CELSR1: variants seen among roughly 807,000 people sequenced by gnomAD.
CELSR1 encodes the protein cadherin EGF LAG seven-pass G-type receptor 1.
Under a neutral mutation model 249.1 loss-of-function variants are expected in CELSR1, and 110 were observed. The ratio of observed to expected loss-of-function variants is 0.44; its 90% CI spans 0.38 to 0.52. The LOEUF is 0.52. Ranked by LOEUF, CELSR1 falls within the 20% of genes least tolerant of loss-of-function variation. CELSR1 has a pLI of 0.00. For synonymous variants in CELSR1, 2,113 were observed against 1,900.0 expected, an observed-to-expected ratio of 1.11 and a Z score of -2.92; for missense variants, 4,109 against 4,296.4, an observed-to-expected ratio of 0.96 and a Z score of 1.22.
At chr22:46,505,196 A>G (rs1294956581) in intron 1 of CELSR1, among the ~76,000 whole-genome samples, 4 of 132,306 alleles carry the variant, frequency 3.0e-5, no homozygotes, top group Non-Finnish European at 6.2e-5. Context: ...CGGGAGGCAG[A>G]GCTTGCAATG....
chr22:46,490,890 A>G lies in CELSR1; in HGVS notation c.3545-26545T>C, dbSNP rs2080360877. Among the ~76,000 whole-genome samples the G allele has an allele frequency of 6.6e-6, 1 of 152,106 alleles. No individual in the cohort carries two copies. Among genetic ancestry groups the G allele is most frequent in the South Asian group, 2.1e-4 (1 of 4,832 alleles). On this transcript the variant is annotated intron_variant, in intron 1 of 34. Coordinates refer to ENST00000674500, the MANE Select transcript of CELSR1 (RefSeq NM_001378328.1). The surrounding 1 kb of genome is among the most constrained non-coding windows in gnomAD (Gnocchi z 5.2). ...GGCCAGGTGTCATTTTCGCTGCTCT[A>G]CAGACCAGGCCTCAGAGGATCAGGA...
chr22:46,393,737 CAAAA>C lies in CELSR1; in HGVS notation c.5964+401_5964+404del, dbSNP rs527573754. 1.3e-5 allele frequency among the ~76,000 whole-genome samples: 1 copy of C among 76,544 alleles called. No individual in the cohort carries two copies. The highest frequency in any genetic ancestry group is 2.6e-5 in the Non-Finnish European group (1 of 38,174). The allele number at this position is 76,544 out of a possible 152,430, so 50.2% of individuals were successfully genotyped here. ...TGGGCGACACAGCGAGACTCTGTCTCAAAAAAAAAAAAAAAAAGACCAGGAAAAT... is the reference window on the plus strand; with the variant it reads ...TGGGCGACACAGCGAGACTCTGTCTCAAAAAAAAAAAAAGACCAGGAAAAT... On this transcript the variant is annotated intron_variant, in intron 14 of 34. Transcript: ENST00000674500. This position sits in a 1 kb window ranked among gnomAD's most constrained non-coding sequence, Gnocchi z 4.1.
rs1321181982 is a variant in CELSR1, at chr22:46,427,211, T to A, written c.4611+6182A>T. Among the ~76,000 whole-genome samples, 1 of 152,082 alleles carries A rather than the reference T, an allele frequency of 6.6e-6. No individual in the cohort carries two copies. The highest frequency in any genetic ancestry group is 1.5e-5 in the Non-Finnish European group (1 of 68,006). ...GCAATGAGCACACCAAGCACCCAGA[T>A]CTGGATTTCTAAATGCCACCCTCCA... is the stretch of plus-strand genomic sequence containing the variant. On this transcript the variant is annotated intron_variant, in intron 5 of 34. Transcript: ENST00000674500. The surrounding 1 kb of genome is among the most constrained non-coding windows in gnomAD (Gnocchi z 4.2).
chr22:46,393,052 G>T lies in CELSR1; in HGVS notation c.5964+1090C>A, dbSNP rs987019398. ...TGCTGTTGGAACCACCGCAGGCACT[G>T]GGGGGGGACACTACTGACATCACGA... On this transcript the variant is annotated intron_variant, in intron 14 of 34. Transcript: ENST00000674500. This position sits in a 1 kb window ranked among gnomAD's most constrained non-coding sequence, Gnocchi z 4.1. Among the ~76,000 whole-genome samples, 1 of 151,736 alleles carries T rather than the reference G, an allele frequency of 6.6e-6. No individual in the cohort carries two copies. Among genetic ancestry groups the T allele is most frequent in the Non-Finnish European group, 1.5e-5 (1 of 67,886 alleles).
chr22:46,504,617 C>T (rs973174827), intron 1 of CELSR1, among the ~76,000 whole-genome samples: 5 of 151,824 alleles, frequency 3.3e-5, no homozygotes, highest in African/African-American at 1.2e-4. Context: ...TTTTTACCTA[C>T]AGGATTAGAA....
chr22:46,535,265 A>C lies in CELSR1; in HGVS notation c.1906T>G (p.Ser636Ala), dbSNP rs773998342. 11 of 1,610,026 alleles carry C rather than the reference A, an allele frequency of 6.8e-6. No individual in the cohort carries two copies. The highest frequency in any genetic ancestry group is 6.7e-5 in the Admixed American group (4 of 59,990). Residue 636 changes from serine (S) to alanine (A), a missense_variant, in exon 1 of 35, where the codon TCC (serine) becomes GCC (alanine). By Grantham distance (99) the Ser-to-Ala change is moderately conservative. Transcript: ENST00000674500. Reference sequence around the variant, plus strand: ...TCGGCACACACTGTGATCCAACCGGAGCTGTTGTGGATCTGGAAGGGGAAG... The same window carrying C: ...TCGGCACACACTGTGATCCAACCGGCGCTGTTGTGGATCTGGAAGGGGAAG... Reference protein sequence around the residue: ...PDFPFQIHNSSGWITVCAELD... With the variant: ...PDFPFQIHNSAGWITVCAELD...
intron 1 of CELSR1, among the ~76,000 whole-genome samples, chr22:46,503,772 G>A (rs1004834727): frequency 6.6e-6 from 1 of 152,240 alleles, no homozygotes; most frequent in African/African-American, 2.4e-5. Context: ...TCTCACGCCG[G>A]TAATCCCAGC....
In CELSR1 at chr22:46,426,982, G is replaced by A. The variant is rs55947732; in HGVS notation, c.4611+6411C>T. Among the ~76,000 whole-genome samples, 513 of 152,348 alleles carry A rather than the reference G, an allele frequency of 3.4e-3. 4 individuals carry two copies. Among genetic ancestry groups the A allele is most frequent in the Middle Eastern group, 0.017 (5 of 294 alleles). On this transcript the variant is annotated intron_variant, in intron 5 of 34. Coordinates refer to ENST00000674500, the MANE Select transcript of CELSR1 (RefSeq NM_001378328.1). ...CACGAATGGGCTGGGACGGCATCAG[G>A]GGGATGTGAATGTGCAGAGCAGAGC... is the stretch of plus-strand genomic sequence containing the variant.
Position 46,402,898 on chromosome 22 carries a change from T to C in CELSR1, c.5227-2996A>G, listed in dbSNP as rs2079223404. 6.6e-6 allele frequency among the ~76,000 whole-genome samples: 1 copy of C among 152,214 alleles called. No individual in the cohort carries two copies. The highest frequency in any genetic ancestry group is 1.5e-5 in the Non-Finnish European group (1 of 68,026). ...AGAAAAACAACTATTAGCACACTGCTTATATTATACCTGAAATATAAGGAT... is the reference window on the plus strand; with the variant it reads ...AGAAAAACAACTATTAGCACACTGCCTATATTATACCTGAAATATAAGGAT... On this transcript the variant is annotated intron_variant, in intron 9 of 34. Coordinates refer to ENST00000674500, the MANE Select transcript of CELSR1 (RefSeq NM_001378328.1). This position sits in a 1 kb window ranked among gnomAD's most constrained non-coding sequence, Gnocchi z 5.0.
chr22:46,453,112 G>C (rs1004050510), intron 2 of CELSR1, among the ~76,000 whole-genome samples: 4 of 152,214 alleles, frequency 2.6e-5, no homozygotes, highest in Non-Finnish European at 4.4e-5. Context: ...AGGTTGGGGG[G>C]CCTGGATGTG....
At chr22:46,507,112 G>A (rs1025958950) in intron 1 of CELSR1, among the ~76,000 whole-genome samples, 1 of 152,200 alleles carries the variant, frequency 6.6e-6, no homozygotes, top group African/African-American at 2.4e-5. Flanking sequence ...CTTGAACCAG[G>A]GAGGCGGAGG....
chr22:46,456,642 G>A (rs797009333), intron 2 of CELSR1, among the ~76,000 whole-genome samples: 5 of 128,652 alleles, frequency 3.9e-5, no homozygotes, highest in Admixed American at 8.9e-5. Flanking sequence ...CAGCCTGGGC[G>A]ACAGAGCGAG....
At chr22:46,502,997 T>C (rs929336313) in intron 1 of CELSR1, among the ~76,000 whole-genome samples, 4 of 152,002 alleles carry the variant, frequency 2.6e-5, no homozygotes, top group African/African-American at 9.7e-5. Flanking sequence ...AAGGCTCGAG[T>C]TGGAAGTGCC....
In CELSR1 at chr22:46,401,214, A is replaced by G. The variant is rs1457615676; in HGVS notation, c.5227-1312T>C. ...TCCTCTGTGTTTAATTACATGTATG[A>G]AAAAAACAAAAATCAGCATTGCAAC... On this transcript the variant is annotated intron_variant, in intron 9 of 34. Coordinates refer to ENST00000674500, the MANE Select transcript of CELSR1 (RefSeq NM_001378328.1). This position sits in a 1 kb window ranked among gnomAD's most constrained non-coding sequence, Gnocchi z 4.7. 2.6e-5 allele frequency among the ~76,000 whole-genome samples: 4 copies of G among 152,126 alleles called. No homozygotes were observed. The highest frequency in any genetic ancestry group is 5.9e-5 in the Non-Finnish European group (4 of 68,022).
intron 2 of CELSR1, among the ~76,000 whole-genome samples, chr22:46,462,555 T>C (rs1372473047): frequency 3.9e-5 from 6 of 152,052 alleles, no homozygotes; most frequent in Non-Finnish European, 8.8e-5. Context: ...GGTGTTTATA[T>C]TAAACAGATT....
intron 2 of CELSR1, among the ~76,000 whole-genome samples, chr22:46,449,193 A>ACATC (rs1312879673): frequency 1.3e-5 from 2 of 150,612 alleles, no homozygotes; most frequent in Non-Finnish European, 3.0e-5. Flanking sequence ...CACCCATCAC[A>ACATC]CATCCATCCA....
chr22:46,509,927 G>A (rs938522332), intron 1 of CELSR1, among the ~76,000 whole-genome samples: 4 of 152,208 alleles, frequency 2.6e-5, no homozygotes, highest in African/African-American at 9.6e-5. Context: ...GAAGTGCCCC[G>A]CTGCCCGGCT....
chr22:46,369,112 G>A (rs1200849346), intron 27 of CELSR1, 67 bp downstream of exon 27: 1 of 1,527,322 alleles, frequency 6.5e-7, no homozygotes, highest in East Asian at 2.3e-5. Flanking sequence ...CCACCCCGCA[G>A]AGACTGGACG....
chr22:46,455,211 A>G (rs937202383), intron 2 of CELSR1, among the ~76,000 whole-genome samples: 5 of 152,150 alleles, frequency 3.3e-5, no homozygotes, highest in Non-Finnish European at 5.9e-5. Flanking sequence ...GGCCTCCAGA[A>G]CAGTAAGACA....
Sources: gnomAD v4.1 joint callset for allele counts (sites outside exome capture counted in the v4.1 genomes callset) on GRCh38, gnomAD v4.1.1 for gene constraint, Gnocchi (gnomAD v3.1) non-coding constraint, MANE v1.5 for transcripts, NCBI Gene and HGNC (gene_info 2026-07-23, HGNC 2026-07-21) for gene names.